The following PLEKHG6 variants were observed in gnomAD, a reference collection of about 807,000 sequenced individuals.
PLEKHG6 encodes pleckstrin homology domain-containing family G member 6.
PLEKHG6 carries 91 observed loss-of-function variants against 97.5 expected under a neutral mutation model. The ratio of observed to expected loss-of-function variants is 0.93; its 90% CI spans 0.79 to 1.11. The LOEUF (loss-of-function observed/expected upper bound fraction) is 1.11, where lower values mean the gene tolerates loss of function less well. PLEKHG6 is among the 50% of genes most tolerant of loss of function. The pLI, the probability that PLEKHG6 is intolerant of heterozygous loss-of-function variation, is 0.00. For missense variants in PLEKHG6, 1,044 were observed against 1,031.0 expected (o/e 1.01, Z -0.17); for synonymous variants, 466 against 425.5 (o/e 1.10, Z -1.17).
At chr12:6,312,485 C>T in intron 2 of PLEKHG6, 121 bp downstream of exon 2, 1 of 1,221,014 alleles carries the variant, frequency 8.2e-7, no homozygotes, top group Non-Finnish European at 1.1e-6. Context: ...TTACCCTACT[C>T]TTCTTTCCTG....
intron 11 of PLEKHG6, 38 bp from the exon 12 acceptor site, chr12:6,318,707 G>A: frequency 1.9e-6 from 3 of 1,606,700 alleles, no homozygotes; most frequent in Non-Finnish European, 2.6e-6. Flanking sequence ...CCTGGCTCCA[G>A]CTGACCCTGT....
In PLEKHG6 at chr12:6,328,452, C is replaced by T. The variant is rs1052712005; in HGVS notation, c.*307C>T. ...TCCCTTGAGCCCAGGAGTTCCAGACCAGCCTGGGCAATATAGGGAAACCCT... is the reference window on the plus strand; with the variant it reads ...TCCCTTGAGCCCAGGAGTTCCAGACTAGCCTGGGCAATATAGGGAAACCCT... On this transcript the variant is annotated 3_prime_UTR_variant, in exon 16 of 16. Transcript: ENST00000684764. The T allele has an allele frequency of 5.6e-6, 2 of 357,776 alleles. No individual in the cohort carries two copies. The highest frequency in any genetic ancestry group is 1.0e-5 in the Non-Finnish European group (2 of 196,856). 22.2% of individuals were successfully genotyped at this position (357,776 alleles called of 1,614,324 possible).
chr12:6,317,264 C>T (rs761694323), intron 7 of PLEKHG6, 39 bp from the exon 8 acceptor site: 4 of 1,347,596 alleles, frequency 3.0e-6, no homozygotes, highest in South Asian at 2.3e-5. Flanking sequence ...TGGCCTTCTC[C>T]CCATGCCTGC....
chr12:6,313,822 G>A (rs2286716), intron 3 of PLEKHG6, 38 bp downstream of exon 3: 1 of 1,514,404 alleles, frequency 6.6e-7, no homozygotes, highest in Admixed American at 2.2e-5. Context: ...CACACATACG[G>A]CCCCAATTGT....
chr12:6,312,536 AG>A, intron 2 of PLEKHG6, 172 bp downstream of exon 2: 1 of 1,119,824 alleles, frequency 8.9e-7, no homozygotes, highest in Admixed American at 3.9e-5. Flanking sequence ...GCCAGGCTCC[AG>A]GGATATCACA....
Position 6,315,900 on chromosome 12 carries a change from G to T in PLEKHG6, c.587G>T (p.Arg196Leu). Residue 196 changes from arginine (R) to leucine (L), a missense_variant, in exon 6 of 16, where the codon CGA (arginine) becomes CTA (leucine). Physicochemically the swap from Arg to Leu is moderately radical, Grantham distance 102. Coordinates refer to ENST00000684764, the MANE Select transcript of PLEKHG6 (RefSeq NM_001384598.1). The surrounding 1 kb of genome is among the most constrained non-coding windows in gnomAD (Gnocchi z 4.5). ...LLAAGLLNLQ[R>L]VGLLMEVSAE... ...GCCGCCGGCCTGCTGAACCTGCAGCGAGTGGGACTGCTGATGGAAGTGAGT... is the reference window on the plus strand; with the variant it reads ...GCCGCCGGCCTGCTGAACCTGCAGCTAGTGGGACTGCTGATGGAAGTGAGT... 1 of 1,580,018 alleles carries T rather than the reference G, an allele frequency of 6.3e-7. No individual in the cohort carries two copies. The highest frequency in any genetic ancestry group is 8.6e-7 in the Non-Finnish European group (1 of 1,162,602).
intron 1 of PLEKHG6, among the ~76,000 whole-genome samples, chr12:6,311,701 A>C (rs1947273081): frequency 1.3e-5 from 2 of 152,290 alleles, no homozygotes; most frequent in South Asian, 4.1e-4. Flanking sequence ...AACTGGTGGC[A>C]GACTGGGCTG....
intron 13 of PLEKHG6, among the ~76,000 whole-genome samples, chr12:6,322,164 A>G (rs1237785624): frequency 6.6e-6 from 1 of 152,220 alleles, no homozygotes; most frequent in Non-Finnish European, 1.5e-5. Context: ...GGAACACTGC[A>G]TTGGCAATGG....
chr12:6,324,157 C>T (rs1947790273), intron 13 of PLEKHG6, among the ~76,000 whole-genome samples: 1 of 152,138 alleles, frequency 6.6e-6, no homozygotes, highest in Admixed American at 6.5e-5. Flanking sequence ...TGTGTCTCTC[C>T]TCTTAACCAA....
intron 2 of PLEKHG6, chr12:6,312,612 T>C: frequency 7.7e-7 from 1 of 1,296,836 alleles, no homozygotes; most frequent in African/African-American, 1.5e-5. Context: ...CGAGGAGTGC[T>C]GTTAGACAGG....
At position 6,315,864 on chromosome 12, in the gene PLEKHG6, T is replaced by C; in HGVS notation, c.556-5T>C. 1 of 1,561,084 alleles carries C rather than the reference T, an allele frequency of 6.4e-7. No individual in the cohort carries two copies. The highest frequency in any genetic ancestry group is 1.2e-5 in the South Asian group (1 of 84,686). ...GTCCTGAGACCCTCGTCTCCCTCCC[T>C]GCAGCTGCTAGCCGCCGGCCTGCTG... On this transcript the variant is annotated splice_region_variant and splice_polypyrimidine_tract_variant and intron_variant, in intron 5 of 15. Transcript: ENST00000684764. This position sits in a 1 kb window ranked among gnomAD's most constrained non-coding sequence, Gnocchi z 4.5.
chr12:6,317,831 C>A, intron 9 of PLEKHG6, 26 bp from the exon 10 acceptor site: 1 of 1,540,500 alleles, frequency 6.5e-7, no homozygotes, highest in Non-Finnish European at 8.8e-7. Flanking sequence ...AGCCGTCCCT[C>A]CTCCCACACC....
rs1254586716 is a variant in PLEKHG6, at chr12:6,327,962, A to G, written c.2363+16A>G. 2.7e-6 allele frequency: 4 copies of G among 1,507,316 alleles called. No individual in the cohort carries two copies. The highest frequency in any genetic ancestry group is 3.6e-6 in the Non-Finnish European group (4 of 1,126,232). 93.4% of individuals were successfully genotyped at this position (1,507,316 alleles called of 1,614,324 possible). A position where few individuals can be genotyped will look rare whatever the true frequency, so the allele number is the denominator to read the frequency against. On this transcript the variant is annotated intron_variant, in intron 15 of 15. Coordinates refer to ENST00000684764, the MANE Select transcript of PLEKHG6 (RefSeq NM_001384598.1). ...TGTCCGCATCGTAAGTGCTGGAGGG[A>G]AGCTGGCCTGGGAGGGGGCAGACGG...
At chr12:6,325,870 G>C (rs1268159936) in intron 13 of PLEKHG6, among the ~76,000 whole-genome samples, 4 of 152,118 alleles carry the variant, frequency 2.6e-5, no homozygotes, top group Non-Finnish European at 5.9e-5. Flanking sequence ...TCCAGAGTTT[G>C]GTGCCACCAA....
chr12:6,316,187 T>C lies in PLEKHG6; in HGVS notation c.607-68T>C. On this transcript the variant is annotated intron_variant, in intron 6 of 15. Coordinates refer to ENST00000684764, the MANE Select transcript of PLEKHG6 (RefSeq NM_001384598.1). This position sits in a 1 kb window ranked among gnomAD's most constrained non-coding sequence, Gnocchi z 4.1. ...CTGTCCAAGCTTAAGGTCCTCACCTTTCCTCAGCCAGTGCCACCCCTGGGG... is the reference window on the plus strand; with the variant it reads ...CTGTCCAAGCTTAAGGTCCTCACCTCTCCTCAGCCAGTGCCACCCCTGGGG... The C allele has an allele frequency of 6.9e-7, 1 of 1,449,356 alleles. No homozygotes were observed. The highest frequency in any genetic ancestry group is 1.4e-5 in the South Asian group (1 of 72,594). 89.8% of individuals were successfully genotyped at this position (1,449,356 alleles called of 1,614,324 possible).
chr12:6,321,720 G>A (rs1005522318), intron 13 of PLEKHG6, among the ~76,000 whole-genome samples: 4 of 151,172 alleles, frequency 2.6e-5, no homozygotes, highest in South Asian at 2.1e-4. Context: ...CCAGCTACTC[G>A]GGAGGCTGAG....
intron 13 of PLEKHG6, among the ~76,000 whole-genome samples, chr12:6,325,145 C>T (rs901941459): frequency 3.9e-5 from 6 of 152,168 alleles, no homozygotes; most frequent in Non-Finnish European, 7.3e-5. Flanking sequence ...CGCCTCCAAC[C>T]TCAGCTCTGC....
At position 6,316,152 on chromosome 12, in the gene PLEKHG6, C is replaced by G; in HGVS notation, c.607-103C>G. 1 of 1,195,172 alleles carries G rather than the reference C, an allele frequency of 8.4e-7. No individual in the cohort carries two copies. The highest frequency in any genetic ancestry group is 1.2e-6 in the Non-Finnish European group (1 of 867,236). The allele number at this position is 1,195,172 out of a possible 1,614,324, so 74.0% of individuals were successfully genotyped here. On this transcript the variant is annotated intron_variant, in intron 6 of 15. Transcript: ENST00000684764. This position sits in a 1 kb window ranked among gnomAD's most constrained non-coding sequence, Gnocchi z 4.1. ...AGTGCCCAGTTCATCCTTCTTCACC[C>G]CCGCCCCTGCTGTCCAAGCTTAAGG...
At chr12:6,319,160 G>T in intron 13 of PLEKHG6, 52 bp downstream of exon 13, 1 of 1,213,616 alleles carries the variant, frequency 8.2e-7, no homozygotes, top group Non-Finnish European at 1.2e-6. Context: ...CCGGAGCTCA[G>T]AAATGGGAGC....
Sources: allele counts gnomAD v4.1 joint callset (sites outside exome capture counted in the v4.1 genomes callset), GRCh38; gene constraint gnomAD v4.1.1; non-coding constraint Gnocchi (gnomAD v3.1); transcripts MANE v1.5; gene names NCBI Gene and HGNC (gene_info 2026-07-23, HGNC 2026-07-21).